Variants in GRIA1 observed in about 807,000 individuals in gnomAD.
GRIA1 encodes the protein glutamate ionotropic receptor AMPA type subunit 1.
GRIA1 carries 31 observed loss-of-function variants against 99.2 expected under a neutral mutation model. The observed-to-expected ratio is 0.31, with a 90% CI of 0.23 to 0.42. The LOEUF is 0.42. Ranked by LOEUF, GRIA1 falls within the 10% of genes least tolerant of loss-of-function variation. GRIA1 has a pLI of 1.00. For synonymous variants in GRIA1, 438 were observed against 432.4 expected (o/e 1.01, Z -0.16); for missense variants, 782 against 1,157.5 (o/e 0.68, Z 4.71).
intron 12 of GRIA1, among the ~76,000 whole-genome samples, chr5:153,766,592 G>T (rs1302042346): frequency 6.6e-6 from 1 of 152,112 alleles, no homozygotes; most frequent in East Asian, 1.9e-4. Flanking sequence ...GTCAGGGGTG[G>T]GTACCAAATC....
chr5:153,664,959 G>C (rs1755639396), intron 5 of GRIA1, among the ~76,000 whole-genome samples: 2 of 152,146 alleles, frequency 1.3e-5, no homozygotes, highest in South Asian at 4.1e-4. Context: ...TCATGTAAAG[G>C]GTAGATGCAA....
chr5:153,667,203 C>T (rs1755809827), intron 5 of GRIA1, among the ~76,000 whole-genome samples: 1 of 152,170 alleles, frequency 6.6e-6, no homozygotes, highest in Non-Finnish European at 1.5e-5. Flanking sequence ...GGAGGAAGTG[C>T]TCTTTCCAGT....
intron 2 of GRIA1, among the ~76,000 whole-genome samples, chr5:153,513,449 T>A (rs1477560970): frequency 1.3e-5 from 2 of 152,156 alleles, no homozygotes; most frequent in Non-Finnish European, 2.9e-5. Flanking sequence ...GTGGAGGAGA[T>A]GCACGGGGTA....
intron 2 of GRIA1, among the ~76,000 whole-genome samples, chr5:153,613,710 C>CTT (rs11362282): frequency 6.8e-6 from 1 of 147,994 alleles, no homozygotes. Flanking sequence ...GAAACAGCCA[C>CTT]TTTTTTTTTT....
chr5:153,637,316 A>G (rs1753436884), intron 2 of GRIA1, among the ~76,000 whole-genome samples: 1 of 152,130 alleles, frequency 6.6e-6, no homozygotes, highest in Admixed American at 6.5e-5. Context: ...TAAATTAAAT[A>G]CACTTTAAAA....
chr5:153,801,362 A>T (rs1766014368), intron 14 of GRIA1, among the ~76,000 whole-genome samples: 1 of 147,054 alleles, frequency 6.8e-6, no homozygotes, highest in Non-Finnish European at 1.5e-5. Flanking sequence ...TGTTCTCACC[A>T]CTTGGGAAGG....
At chr5:153,685,041 G>A (rs1399155262) in intron 7 of GRIA1, among the ~76,000 whole-genome samples, 2 of 152,150 alleles carry the variant, frequency 1.3e-5, no homozygotes, top group Non-Finnish European at 2.9e-5. Context: ...AACAACAGAG[G>A]AGCTAGCCAC....
intron 2 of GRIA1, among the ~76,000 whole-genome samples, chr5:153,526,798 C>T (rs1279090109): frequency 1.3e-5 from 2 of 152,236 alleles, no homozygotes; most frequent in Non-Finnish European, 2.9e-5. Flanking sequence ...AAAAGATCAG[C>T]AGCTTTGGAC....
intron 14 of GRIA1, among the ~76,000 whole-genome samples, chr5:153,796,768 C>T (rs1416749110): frequency 1.3e-5 from 2 of 152,068 alleles, no homozygotes; most frequent in South Asian, 2.1e-4. Context: ...ATGAACTGAG[C>T]TTAGATATCC....
intron 2 of GRIA1, among the ~76,000 whole-genome samples, chr5:153,545,515 G>T (rs565335648): frequency 2.0e-5 from 3 of 152,210 alleles, no homozygotes; most frequent in African/African-American, 7.2e-5. Context: ...TCGGCTTAAG[G>T]ATATTTGCAA....
intron 2 of GRIA1, among the ~76,000 whole-genome samples, chr5:153,527,043 C>T (rs1757662493): frequency 6.6e-6 from 1 of 152,064 alleles, no homozygotes; most frequent in Non-Finnish European, 1.5e-5. Flanking sequence ...TTCCAGTATC[C>T]CCTAGTGTGT....
At chr5:153,628,600 C>A (rs1767855345) in intron 2 of GRIA1, among the ~76,000 whole-genome samples, 1 of 152,166 alleles carries the variant, frequency 6.6e-6, no homozygotes. Flanking sequence ...GCTAATTGGC[C>A]ACTGTTAGGC....
At chr5:153,661,888 G>A (rs993238231) in intron 5 of GRIA1, among the ~76,000 whole-genome samples, 20 of 152,168 alleles carry the variant, frequency 1.3e-4, no homozygotes, top group Admixed American at 2.6e-4. Context: ...CCTCTACAAC[G>A]TCCCCAACAG....
At chr5:153,725,341 A>G (rs1166828581) in intron 11 of GRIA1, among the ~76,000 whole-genome samples, 1 of 151,162 alleles carries the variant, frequency 6.6e-6, no homozygotes, top group Non-Finnish European at 1.5e-5. Context: ...TGCATCAACT[A>G]ACAAGCAAAA....
intron 13 of GRIA1, among the ~76,000 whole-genome samples, chr5:153,776,284 T>TCAAACCTTCC (rs1373007560): frequency 2.0e-5 from 3 of 152,212 alleles, no homozygotes; most frequent in Admixed American, 6.5e-5. Context: ...TCCTTCACTT[T>TCAAACCTTCC]AAAGCTGGGA....
intron 10 of GRIA1, 49 bp downstream of exon 10, chr5:153,699,122 G>A (rs1267529746): frequency 7.4e-7 from 1 of 1,350,126 alleles, no homozygotes; most frequent in Non-Finnish European, 1.1e-6. Context: ...CAGAGGGTTT[G>A]ACAGGAAATC....
chr5:153,595,383 A>G (rs77425821), intron 2 of GRIA1, among the ~76,000 whole-genome samples: 3,626 of 152,272 alleles, frequency 0.024, 160 homozygotes, highest in African/African-American at 0.082. Flanking sequence ...CAGTTAATGA[A>G]CCAATACTAA....
chr5:153,545,596 C>T (rs1384854700), intron 2 of GRIA1, among the ~76,000 whole-genome samples: 2 of 152,064 alleles, frequency 1.3e-5, no homozygotes, highest in Non-Finnish European at 2.9e-5. Flanking sequence ...ACCACTACAG[C>T]AATGTGGGAG....
At chr5:153,724,007 G>A (rs1760299919) in intron 11 of GRIA1, among the ~76,000 whole-genome samples, 1 of 152,190 alleles carries the variant, frequency 6.6e-6, no homozygotes, top group Non-Finnish European at 1.5e-5. Context: ...AGTAGGGGCA[G>A]GCTGATACCT....
Sources: allele counts gnomAD v4.1 joint callset (sites outside exome capture counted in the v4.1 genomes callset), GRCh38; gene constraint gnomAD v4.1.1; transcripts MANE v1.5; gene names NCBI Gene and HGNC (gene_info 2026-07-23, HGNC 2026-07-21).